Variants in FGF13 observed in about 807,000 individuals in gnomAD.
FGF13 encodes fibroblast growth factor homologous factor 2.
A neutral mutation model predicts 19.5 loss-of-function variants in FGF13; 2 were observed. The observed-to-expected ratio is 0.10, with a 90% CI of 0.04 to 0.32. FGF13 has a LOEUF of 0.32. Ranked by LOEUF, FGF13 falls within the 10% of genes least tolerant of loss-of-function variation. The pLI is 1.00. For missense variants in FGF13, 113 were observed against 192.7 expected, an observed-to-expected ratio of 0.59 and a Z score of 2.45; for synonymous variants, 72 against 76.9, an observed-to-expected ratio of 0.94 and a Z score of 0.33.
At chrX:139,049,183 A>G (rs887549058) in intron 1 of FGF13, among the ~76,000 whole-genome samples, 3 of 111,486 alleles carry the variant, frequency 2.7e-5, no homozygotes, top group African/African-American at 9.8e-5. Flanking sequence ...TCGTGGAGAT[A>G]GAGAGTAGAA....
chrX:139,021,859 T>C (rs1447019649), intron 1 of FGF13, among the ~76,000 whole-genome samples: 1 of 112,060 alleles, frequency 8.9e-6, no homozygotes, highest in African/African-American at 3.2e-5. Context: ...AAAGTATGCA[T>C]GGTAAATACT....
chrX:139,163,538 T>C (rs2084053791), intron 1 of FGF13, among the ~76,000 whole-genome samples: 1 of 111,056 alleles, frequency 9.0e-6, no homozygotes, highest in Admixed American at 9.6e-5. Flanking sequence ...ACTTTAAGCA[T>C]AATAATTTAA....
Position 139,013,479 on chromosome X carries a change from T to TTATATATATATATATA in FGF13, c.-112-148845_-112-148830dup, listed in dbSNP as rs202184653. 1.8e-4 allele frequency among the ~76,000 whole-genome samples: 13 copies of TTATATATATATATATA among 71,068 alleles called. No individual in the cohort carries two copies. In the South Asian group the frequency reaches 2.7e-3, roughly 15 times the overall value. 61.7% of individuals were successfully genotyped at this position (71,068 alleles called of 115,157 possible). ...AATCAATGAATGGATAAAGAAAATTTTATATATATATATATATATATATAT... is the reference window on the plus strand; with the variant it reads ...AATCAATGAATGGATAAAGAAAATTTTATATATATATATATATATATATATATATATATATATATAT... On this transcript the variant is annotated intron_variant, in intron 1 of 2. Coordinates refer to the FGF13 transcript ENST00000421460.
intron 3 of FGF13, among the ~76,000 whole-genome samples, chrX:138,695,166 T>TC (rs1322422710): frequency 7.2e-5 from 8 of 111,369 alleles, no homozygotes; most frequent in African/African-American, 9.8e-5. Context: ...GGACATACTA[T>TC]CACCTAAGCA....
intron 1 of FGF13, among the ~76,000 whole-genome samples, chrX:138,918,834 A>G (rs2091630817): frequency 8.9e-6 from 1 of 112,174 alleles, no homozygotes; most frequent in Non-Finnish European, 1.9e-5. Context: ...GATGACCAAA[A>G]GTAGATGACC....
intron 3 of FGF13, among the ~76,000 whole-genome samples, chrX:138,807,372 C>A (rs2090877545): frequency 9.0e-6 from 1 of 111,050 alleles, no homozygotes; most frequent in Non-Finnish European, 1.9e-5. Context: ...GAAATAAAAT[C>A]CTTTACAGAC....
intron 1 of FGF13, among the ~76,000 whole-genome samples, chrX:139,003,487 C>G (rs2092084516): frequency 8.9e-6 from 1 of 111,937 alleles, no homozygotes; most frequent in South Asian, 3.8e-4. Context: ...TGCTTTTATT[C>G]TCTTATCTGG....
chrX:138,795,476 T>C (rs998317456), intron 3 of FGF13, among the ~76,000 whole-genome samples: 9 of 111,706 alleles, frequency 8.1e-5, no homozygotes, highest in African/African-American at 2.6e-4. Flanking sequence ...AGATAACACA[T>C]AGATAGCAGG....
chrX:138,966,566 T>C (rs905365426), intron 1 of FGF13, among the ~76,000 whole-genome samples: 10 of 112,454 alleles, frequency 8.9e-5, no homozygotes, highest in African/African-American at 3.2e-4. Context: ...TGTATGCCCA[T>C]TGTAACTGGA....
At chrX:139,194,915 G>C (rs184020227) in intron 1 of FGF13, among the ~76,000 whole-genome samples, 1 of 111,794 alleles carries the variant, frequency 8.9e-6, no homozygotes, top group African/African-American at 3.3e-5. Context: ...CGACTGGGCC[G>C]TGGGTATCGA....
chrX:139,186,938 A>C (rs774325779), intron 1 of FGF13, among the ~76,000 whole-genome samples: 12 of 112,056 alleles, frequency 1.1e-4, no homozygotes, highest in Non-Finnish European at 1.9e-5. Context: ...CTGAGCTTGC[A>C]CAGTTTCCAG....
At chrX:139,068,344 T>C (rs201039048) in intron 1 of FGF13, among the ~76,000 whole-genome samples, 16,338 of 98,519 alleles carry the variant, frequency 0.17, 2,198 homozygotes, top group African/African-American at 0.35. Flanking sequence ...CATGGATCTA[T>C]ATCTCTGTTT....
intron 1 of FGF13, among the ~76,000 whole-genome samples, chrX:139,024,729 G>A (rs512877): frequency 0.041 from 4,559 of 111,388 alleles, 111 homozygotes; most frequent in East Asian, 0.13. Context: ...TTTCCCTGAA[G>A]GGATTTCAAG....
At chrX:139,020,210 C>T (rs1569442738) in intron 1 of FGF13, among the ~76,000 whole-genome samples, 2 of 111,647 alleles carry the variant, frequency 1.8e-5, no homozygotes, top group Non-Finnish European at 1.9e-5. Flanking sequence ...TAATGTTTTT[C>T]GCTTTCCTTT....
chrX:139,202,226 C>T (rs1013173870), intron 1 of FGF13, among the ~76,000 whole-genome samples: 8 of 111,989 alleles, frequency 7.1e-5, no homozygotes, highest in African/African-American at 2.6e-4. Context: ...AAGTAACCAC[C>T]TGATGGAAAT....
rs1361526816 is a variant in FGF13, at chrX:138,780,146, A to C, written c.218-71218T>G. On this transcript the variant is annotated intron_variant, in intron 3 of 6. Transcript: ENST00000436198. ...TTTTGTCACCACCAGGCCTTCCCTA[A>C]AAGAGCTCCTGAAGGAAGCACTAAA... Among the ~76,000 whole-genome samples the C allele has an allele frequency of 4.5e-5, 5 of 110,173 alleles. No homozygotes were observed. The East Asian group carries it at 1.4e-3, about 32-fold the overall frequency.
intron 1 of FGF13, among the ~76,000 whole-genome samples, chrX:139,019,968 G>C (rs1261809836): frequency 9.1e-6 from 1 of 109,992 alleles, no homozygotes; most frequent in Non-Finnish European, 1.9e-5. Context: ...TCATTAAATA[G>C]TATCACATTG....
At chrX:138,913,299 T>C (rs1207788910) in intron 1 of FGF13, among the ~76,000 whole-genome samples, 3 of 99,943 alleles carry the variant, frequency 3.0e-5, no homozygotes, top group Non-Finnish European at 5.9e-5. Flanking sequence ...CCCGAGTAGC[T>C]GGGACTACAG....
At chrX:138,760,942 C>T (rs903735385) in intron 3 of FGF13, among the ~76,000 whole-genome samples, 7 of 111,920 alleles carry the variant, frequency 6.3e-5, no homozygotes, top group African/African-American at 2.3e-4. Context: ...CAAGTAAGGA[C>T]AGGTCAAAAT....
Sources: allele counts gnomAD v4.1 joint callset (sites outside exome capture counted in the v4.1 genomes callset), GRCh38; gene constraint gnomAD v4.1.1; transcripts MANE v1.5; gene names NCBI Gene and HGNC (gene_info 2026-07-23, HGNC 2026-07-21).